POLQ: variants seen among roughly 807,000 people sequenced by gnomAD.
POLQ encodes epididymis secretory sperm binding protein.
In POLQ, 233 loss-of-function variants were observed where a neutral mutation model predicts 259.2. The observed-to-expected ratio is 0.90, with a 90% CI of 0.81 to 1.00. The LOEUF is 1.00. Among genes scored for constraint, POLQ ranks in the 50% least tolerant of loss-of-function variants. The pLI is 0.00. For synonymous variants in POLQ, 1,025 were observed against 1,048.8 expected (o/e 0.98, Z 0.44); for missense variants, 2,871 against 3,051.6 (o/e 0.94, Z 1.39).
intron 26 of POLQ, among the ~76,000 whole-genome samples, chr3:121,441,625 A>G (rs1440459813): frequency 6.6e-6 from 1 of 152,218 alleles, no homozygotes; most frequent in Non-Finnish European, 1.5e-5. Context: ...AAATTTGTTT[A>G]TACATTTTCC....
chr3:121,519,769 G>C (rs1403692102), intron 9 of POLQ, 102 bp downstream of exon 9: 23 of 696,650 alleles, frequency 3.3e-5, no homozygotes, highest in Non-Finnish European at 2.1e-5. Context: ...GGATAATAAA[G>C]AAATACAGCA....
chr3:121,508,546 A>T (rs2048228098), intron 12 of POLQ, among the ~76,000 whole-genome samples: 1 of 152,220 alleles, frequency 6.6e-6, no homozygotes, highest in Admixed American at 6.5e-5. Flanking sequence ...CCACAATCTC[A>T]GCCACTGTAT....
At chr3:121,519,800 G>T (rs2048325064) in intron 9 of POLQ, 71 bp downstream of exon 9, 2 of 843,760 alleles carry the variant, frequency 2.4e-6, no homozygotes, top group Non-Finnish European at 4.1e-6. Flanking sequence ...CAGGTTGCCA[G>T]ACACTAGTCA....
intron 25 of POLQ, among the ~76,000 whole-genome samples, chr3:121,456,682 T>C (rs959403226): frequency 4.6e-5 from 7 of 151,728 alleles, no homozygotes; most frequent in African/African-American, 1.7e-4. Context: ...ACAAGGGATG[T>C]GAAGGACCTC....
rs147838329 is a variant in POLQ at position 121,477,588 on chromosome 3, A to G, written c.6212-855T>C. ...AAGACAACTATTTAATTTTATTTTA[A>G]GTGAAAGTCCCAAACTTATTTGACC... On this transcript the variant is annotated intron_variant, in intron 19 of 29. Transcript: ENST00000264233. Among the ~76,000 whole-genome samples, 1,229 of 152,328 alleles carry G rather than the reference A, an allele frequency of 8.1e-3. 18 individuals carry two copies. The highest frequency in any genetic ancestry group is 0.028 in the African/African-American group (1,171 of 41,560).
chr3:121,437,935 C>G (rs1232646004), intron 27 of POLQ, among the ~76,000 whole-genome samples: 1 of 151,818 alleles, frequency 6.6e-6, no homozygotes, highest in Non-Finnish European at 1.5e-5. Flanking sequence ...AAATGCAAAA[C>G]AAAACTATAG....
At chr3:121,446,238 G>A (rs2047631549) in intron 26 of POLQ, among the ~76,000 whole-genome samples, 1 of 151,856 alleles carries the variant, frequency 6.6e-6, no homozygotes. Context: ...TTCCATGTTT[G>A]TATACTTTCC....
intron 12 of POLQ, among the ~76,000 whole-genome samples, chr3:121,507,179 T>C (rs3856579): frequency 6.6e-6 from 1 of 152,172 alleles, no homozygotes; most frequent in East Asian, 1.9e-4. Context: ...ACTATTCCTG[T>C]TTATATAGTT....
At chr3:121,527,836 C>T (rs1464496392) in intron 7 of POLQ, among the ~76,000 whole-genome samples, 1 of 152,108 alleles carries the variant, frequency 6.6e-6, no homozygotes, top group East Asian at 1.9e-4. Context: ...ATGAAAAGTA[C>T]ATAAGAAACA....
chr3:121,512,732 A>C (rs567239922), intron 9 of POLQ, among the ~76,000 whole-genome samples: 2 of 152,210 alleles, frequency 1.3e-5, no homozygotes, highest in Non-Finnish European at 2.9e-5. Context: ...AACCTAAGAA[A>C]GTAGAGGAAA....
At chr3:121,438,967 T>C (rs1396772171) in intron 27 of POLQ, among the ~76,000 whole-genome samples, 1 of 152,154 alleles carries the variant, frequency 6.6e-6, no homozygotes, top group Non-Finnish European at 1.5e-5. Context: ...AGCGGGGTAT[T>C]TTCATTATAT....
chr3:121,525,006 C>T (rs936399565), intron 7 of POLQ, among the ~76,000 whole-genome samples: 1 of 151,624 alleles, frequency 6.6e-6, no homozygotes, highest in Non-Finnish European at 1.5e-5. Flanking sequence ...GTTAGAAACA[C>T]AGAAACCCCC....
chr3:121,515,807 T>G (rs1174602186), intron 9 of POLQ, among the ~76,000 whole-genome samples: 1 of 151,920 alleles, frequency 6.6e-6, no homozygotes, highest in African/African-American at 2.4e-5. Context: ...CAAAAGAAAC[T>G]AACAAAGCTC....
intron 7 of POLQ, among the ~76,000 whole-genome samples, 182 bp from the exon 8 acceptor site, chr3:121,522,331 G>A (rs575621903): frequency 2.4e-5 from 2 of 81,836 alleles, no homozygotes; most frequent in Non-Finnish European, 4.4e-5. Context: ...TTGAGACGGA[G>A]TCTCGCTCTG....
At chr3:121,477,991 C>G (rs1403024828) in intron 19 of POLQ, among the ~76,000 whole-genome samples, 3 of 152,144 alleles carry the variant, frequency 2.0e-5, no homozygotes, top group Non-Finnish European at 4.4e-5. Context: ...AAATAATGAA[C>G]TTGGGTCAGA....
At chr3:121,453,775 A>G (rs369088912) in intron 25 of POLQ, among the ~76,000 whole-genome samples, 1 of 152,242 alleles carries the variant, frequency 6.6e-6, no homozygotes, top group Non-Finnish European at 1.5e-5. Flanking sequence ...TGAAAGTGAC[A>G]GGGAGAATGG....
chr3:121,541,683 A>G (rs896887278), intron 2 of POLQ, among the ~76,000 whole-genome samples: 4 of 152,160 alleles, frequency 2.6e-5, no homozygotes, highest in African/African-American at 9.6e-5. Flanking sequence ...AAAACAGAGT[A>G]AATAAATCTT....
chr3:121,526,480 T>C (rs949425873), intron 7 of POLQ, among the ~76,000 whole-genome samples: 1 of 152,210 alleles, frequency 6.6e-6, no homozygotes, highest in African/African-American at 2.4e-5. Flanking sequence ...TCTTTCTTAC[T>C]AATAAATGGG....
At chr3:121,539,616 A>G (rs1224277096) in intron 3 of POLQ, 27 bp from the exon 4 acceptor site, 2 of 1,590,916 alleles carry the variant, frequency 1.3e-6, no homozygotes, top group Non-Finnish European at 1.7e-6. Flanking sequence ...GGAACAATAC[A>G]GGTGAAAAAA....
Sources: gnomAD v4.1 joint callset for allele counts (sites outside exome capture counted in the v4.1 genomes callset) on GRCh38, gnomAD v4.1.1 for gene constraint, MANE v1.5 for transcripts, NCBI Gene and HGNC (gene_info 2026-07-23, HGNC 2026-07-21) for gene names.